HTRA4: variants seen among roughly 807,000 people sequenced by gnomAD.
HTRA4 encodes the protein HtrA serine peptidase 4, also known as serine protease HTRA4.
HTRA4 carries 46 observed loss-of-function variants against 49.1 expected under a neutral mutation model. The observed-to-expected ratio is 0.94, with a 90% CI of 0.74 to 1.20. The LOEUF (loss-of-function observed/expected upper bound fraction) is 1.20. Among genes scored for constraint, HTRA4 ranks in the 50% most tolerant of loss-of-function variants. The probability of loss-of-function intolerance (pLI) is 0.00; values close to 1 mark genes in which losing one functional copy is unlikely to be tolerated. For missense variants in HTRA4, 602 were observed against 636.9 expected, an observed-to-expected ratio of 0.95 and a Z score of 0.59; for synonymous variants, 261 against 264.0, an observed-to-expected ratio of 0.99 and a Z score of 0.11.
chr8:38,988,273 GGT>G lies in HTRA4; in HGVS notation c.*176_*177del. 1.7e-6 allele frequency: 1 copy of G among 572,026 alleles called. No individual in the cohort carries two copies. Among genetic ancestry groups the G allele is most frequent in the South Asian group, 2.3e-5 (1 of 44,236 alleles). 35.4% of individuals were successfully genotyped at this position (572,026 alleles called of 1,614,324 possible). On this transcript the variant is annotated 3_prime_UTR_variant, in exon 9 of 9. Transcript: ENST00000302495. ...ATGACAGACTGGATAAAGCAAATGTGGTACATATACACCATGGAATACTATGC... is the reference window on the plus strand; with the variant it reads ...ATGACAGACTGGATAAAGCAAATGTGACATATACACCATGGAATACTATGC...
At chr8:38,982,846 G>A in intron 7 of HTRA4, 107 bp from the exon 8 acceptor site, 1 of 736,440 alleles carries the variant, frequency 1.4e-6, no homozygotes, top group Non-Finnish European at 2.3e-6. Flanking sequence ...AATCTTCCTC[G>A]GCCCTTGTGA....
At chr8:38,984,059 G>C (rs1835456096) in intron 8 of HTRA4, among the ~76,000 whole-genome samples, 1 of 151,688 alleles carries the variant, frequency 6.6e-6, no homozygotes, top group African/African-American at 2.4e-5. Context: ...GCAGTGCAGT[G>C]GTGCAATCTT....
At chr8:38,981,204 C>A (rs1045823028) in intron 5 of HTRA4, among the ~76,000 whole-genome samples, 1 of 149,692 alleles carries the variant, frequency 6.7e-6, no homozygotes, top group African/African-American at 2.4e-5. Flanking sequence ...CTCAGCCTCC[C>A]GAGTAGCTGG....
chr8:38,982,742 T>C (rs111287917), intron 7 of HTRA4, among the ~76,000 whole-genome samples, 187 bp downstream of exon 7: 91 of 152,296 alleles, frequency 6.0e-4, no homozygotes, highest in African/African-American at 2.1e-3. Context: ...GTTTATTTCA[T>C]TGTGGCTGTA....
Position 38,975,092 on chromosome 8 carries a change from G to C in HTRA4, c.528G>C (p.Lys176Asn). The change falls in exon 2 of 9, where the codon AAG becomes AAC. Residue 176 changes from lysine to asparagine, a missense_variant. Lys to Asn is a moderately conservative substitution (Grantham distance 94). Transcript: ENST00000302495. ...ACTTCATCGCCGCGGTGGTGGAGAA[G>C]GTGGCGCCATCGGTGGTTCACGTGC... ...NYNFIAAVVE[K>N]VAPSVVHVQL... The C allele has an allele frequency of 6.2e-7, 1 of 1,613,948 alleles. No individual in the cohort carries two copies. Among genetic ancestry groups the C allele is most frequent in the Non-Finnish European group, 8.5e-7 (1 of 1,180,036 alleles).
At chr8:38,981,319 TC>T (rs1302610953) in intron 5 of HTRA4, among the ~76,000 whole-genome samples, 1 of 151,832 alleles carries the variant, frequency 6.6e-6, no homozygotes, top group Non-Finnish European at 1.5e-5. Context: ...GACCTCGTGA[TC>T]CGCCCGCCTC....
At position 38,983,027 on chromosome 8, in the gene HTRA4, T is replaced by G. The variant is rs758287812; in HGVS notation, c.1247T>G (p.Val416Gly). The change falls in exon 8 of 9, where the codon GTT becomes GGT. Residue 416 changes from valine (V) to glycine (G), a missense_variant. Coordinates refer to ENST00000302495, the MANE Select transcript of HTRA4 (RefSeq NM_153692.4). ...VSSGVYVCKVVEGTAAQSSGL... is the reference protein window; with the variant it reads ...VSSGVYVCKVGEGTAAQSSGL... The stretch of plus-strand genomic sequence containing the variant: ...TCTGGGGTTTATGTATGTAAAGTGG[T>G]TGAAGGAACAGCTGCTCAAAGGTAA... The G allele has an allele frequency of 7.4e-6, 12 of 1,613,234 alleles. No individual in the cohort carries two copies. In the East Asian group the frequency reaches 2.5e-4, roughly 33 times the overall value.
At chr8:38,987,823 T>A in intron 8 of HTRA4, 113 bp from the exon 9 acceptor site, 1 of 876,792 alleles carries the variant, frequency 1.1e-6, no homozygotes. Flanking sequence ...CTCGTTTGTA[T>A]GCTTAATGCC....
At chr8:38,982,468 G>T in intron 6 of HTRA4, 30 bp from the exon 7 acceptor site, 8 of 1,600,154 alleles carry the variant, frequency 5.0e-6, no homozygotes, top group Non-Finnish European at 6.9e-6. Context: ...AAGAGGTTTT[G>T]TTGTAACACA....
chr8:38,982,738 T>G (rs1010832480), intron 7 of HTRA4, among the ~76,000 whole-genome samples, 183 bp downstream of exon 7: 5 of 152,224 alleles, frequency 3.3e-5, no homozygotes, highest in African/African-American at 1.2e-4. Context: ...CATAGTTTAT[T>G]TCATTGTGGC....
chr8:38,988,082 C>G lies in HTRA4; in HGVS notation c.1415C>G (p.Pro472Arg), dbSNP rs56228778. Residue 472 changes from proline (P) to arginine (R), a missense_variant, in exon 9 of 9, where the codon CCT becomes CGT. Pro to Arg is a moderately radical substitution (Grantham distance 103, BLOSUM62 -2). Transcript: ENST00000302495. Reference protein sequence around the residue: ...GKDNLLLTVIPETIN With the variant: ...GKDNLLLTVIRETIN ...GATAATTTGCTCCTGACAGTCATAC[C>G]TGAAACAATCAATTAAATATCTTGT... 5.7e-6 allele frequency: 9 copies of G among 1,587,456 alleles called. No homozygotes were observed. The East Asian group carries it at 1.1e-4, about 20-fold the overall frequency.
intron 8 of HTRA4, among the ~76,000 whole-genome samples, chr8:38,985,161 C>CTTTTTTTTT (rs773305917): frequency 7.7e-6 from 1 of 130,706 alleles, no homozygotes; most frequent in Non-Finnish European, 1.6e-5. Flanking sequence ...TGTTGTACTT[C>CTTTTTTTTT]TTTTTTTTTT....
At chr8:38,980,988 T>C (rs909154188) in intron 5 of HTRA4, among the ~76,000 whole-genome samples, 1 of 150,478 alleles carries the variant, frequency 6.6e-6, no homozygotes, top group Non-Finnish European at 1.5e-5. Context: ...CTTGTCCTTC[T>C]ACCTTTGTCA....
chr8:38,986,446 T>TTA (rs1322405255), intron 8 of HTRA4, among the ~76,000 whole-genome samples: 1 of 152,110 alleles, frequency 6.6e-6, no homozygotes, highest in Non-Finnish European at 1.5e-5. Flanking sequence ...TTATTGTACT[T>TTA]TTAATAGAGA....
chr8:38,985,962 C>T (rs974092011), intron 8 of HTRA4, among the ~76,000 whole-genome samples: 1 of 152,144 alleles, frequency 6.6e-6, no homozygotes, highest in Non-Finnish European at 1.5e-5. Flanking sequence ...CATTTGAAAC[C>T]AGGAGTTTGA....
chr8:38,983,156 A>G (rs1835444856), intron 8 of HTRA4, 108 bp downstream of exon 8: 2 of 658,474 alleles, frequency 3.0e-6, no homozygotes, highest in South Asian at 1.9e-5. Context: ...AGTGGCCACT[A>G]CTTACATGTA....
At chr8:38,982,447 C>T (rs370712609) in intron 6 of HTRA4, 51 bp from the exon 7 acceptor site, 36 of 1,504,790 alleles carry the variant, frequency 2.4e-5, no homozygotes, top group Middle Eastern at 1.7e-4. Flanking sequence ...TTTTAAGCTG[C>T]GCTAACAGGA....
chr8:38,977,905 T>C (rs746516967), intron 3 of HTRA4, 48 bp from the exon 4 acceptor site: 23 of 1,583,592 alleles, frequency 1.5e-5, no homozygotes, highest in African/African-American at 2.7e-5. Context: ...GATCGTGATT[T>C]GTTCTTTACC....
rs1835314719 is a variant in HTRA4 at position 38,974,415 on chromosome 8, C to T, written c.152C>T (p.Ala51Val). ...PAVCQPTRCP[A>V]LPTCALGTTP... ...GTCTGCCAGCCCACGCGCTGCCCCGCGCTGCCCACCTGCGCGCTGGGGACC... is the reference window on the plus strand; with the variant it reads ...GTCTGCCAGCCCACGCGCTGCCCCGTGCTGCCCACCTGCGCGCTGGGGACC... The change falls in exon 1 of 9, where the codon GCG becomes GTG. Residue 51 changes from alanine (A) to valine (V), a missense_variant. By Grantham distance (64) the Ala-to-Val change is moderately conservative (BLOSUM62 0). Coordinates refer to ENST00000302495, the MANE Select transcript of HTRA4 (RefSeq NM_153692.4). 1.9e-6 allele frequency: 3 copies of T among 1,554,668 alleles called. No individual in the cohort carries two copies. The highest frequency in any genetic ancestry group is 2.6e-6 in the Non-Finnish European group (3 of 1,152,714).
Sources: allele counts gnomAD v4.1 joint callset (sites outside exome capture counted in the v4.1 genomes callset), GRCh38; gene constraint gnomAD v4.1.1; transcripts MANE v1.5; gene names NCBI Gene and HGNC (gene_info 2026-07-23, HGNC 2026-07-21).